The following NXN variants were observed in gnomAD, a reference collection of about 807,000 sequenced individuals.
NXN encodes the protein nucleoredoxin, also known as nucleoredoxin 1.
Under a neutral mutation model 48.6 loss-of-function variants are expected in NXN, and 16 were observed. That is an observed-to-expected ratio of 0.33 (90% CI 0.22 to 0.50). NXN has a LOEUF of 0.50. Among genes scored for constraint, NXN ranks in the 20% least tolerant of loss-of-function variants. The pLI, the probability that NXN is intolerant of heterozygous loss-of-function variation, is 0.98. For synonymous variants in NXN, 281 were observed against 269.6 expected (o/e 1.04, Z -0.41); for missense variants, 492 against 605.5 (o/e 0.81, Z 1.97).
intron 1 of NXN, among the ~76,000 whole-genome samples, chr17:963,848 A>C (rs576334347): frequency 1.2e-4 from 18 of 150,808 alleles, no homozygotes; most frequent in Admixed American, 2.0e-4. Context: ...GAGGCCGAGG[A>C]GGGCAGATCA....
rs754022022 is a variant in NXN at position 979,397 on chromosome 17, G to C, written c.282C>G (p.Asp94Glu). Residue 94 changes from aspartate (D) to glutamate (E), a missense_variant, in exon 1 of 8, where the codon GAC becomes GAG. Physicochemically the swap from Asp to Glu is conservative, Grantham distance 45 (BLOSUM62 2). This residue lies in a region of NXN where 186 missense variants were observed against 199.1 expected (regional missense o/e 0.93). Transcript: ENST00000336868. ...AGTCCTGCCACTGCCGCTGGTCCTG[G>C]TCCGAGGACACGAAGACGATCTCCA... ...RRLEIVFVSS[D>E]QDQRQWQDFV... 6.8e-7 allele frequency: 1 copy of C among 1,477,372 alleles called. No individual in the cohort carries two copies. The highest frequency in any genetic ancestry group is 1.2e-5 in the South Asian group (1 of 80,898). The allele number at this position is 1,477,372 out of a possible 1,614,324, so 91.5% of individuals were successfully genotyped here. A position where few individuals can be genotyped will look rare whatever the true frequency, so the allele number is the denominator to read the frequency against.
At chr17:863,702 A>G (rs908266897) in intron 1 of NXN, among the ~76,000 whole-genome samples, 13 of 152,044 alleles carry the variant, frequency 8.6e-5, no homozygotes, top group Admixed American at 2.6e-4. Flanking sequence ...GGCTGATGCA[A>G]TCCTCCTGCC....
At chr17:884,599 G>C (rs925979316) in intron 1 of NXN, among the ~76,000 whole-genome samples, 1 of 152,124 alleles carries the variant, frequency 6.6e-6, no homozygotes, top group Non-Finnish European at 1.5e-5. Context: ...GTTGGGCTGG[G>C]GACAGGCTGG....
chr17:828,897 T>C (rs1913289909), intron 1 of NXN, among the ~76,000 whole-genome samples: 2 of 116,876 alleles, frequency 1.7e-5, no homozygotes, highest in South Asian at 2.7e-4. Context: ...ATTTTTCTGG[T>C]TTAAAAAGGA....
chr17:946,418 A>T (rs12936900), intron 1 of NXN, among the ~76,000 whole-genome samples: 3 of 151,976 alleles, frequency 2.0e-5, no homozygotes, highest in Admixed American at 6.6e-5. Context: ...CCGCCCGCCT[A>T]GGCCTCCCAA....
At chr17:873,189 G>A (rs1341037620) in intron 1 of NXN, among the ~76,000 whole-genome samples, 1 of 152,052 alleles carries the variant, frequency 6.6e-6, no homozygotes, top group African/African-American at 2.4e-5. Context: ...AACCATGTGT[G>A]CCAATCCTTT....
Position 805,119 on chromosome 17 carries a change from C to A in NXN, c.949G>T (p.Asp317Tyr), listed in dbSNP as rs372591037. 78 of 1,609,978 alleles carry A rather than the reference C, an allele frequency of 4.8e-5. No homozygotes were observed. Among genetic ancestry groups the A allele is most frequent in the Non-Finnish European group, 9.3e-6 (11 of 1,178,808 alleles). Residue 317 changes from aspartate to tyrosine, a missense_variant, in exon 6 of 8, where the codon GAC becomes TAC. Physicochemically the swap from Asp to Tyr is radical, Grantham distance 160. Around this residue, in one of 3 missense-constraint regions of NXN, gnomAD observed 303 missense variants for 388.3 expected, o/e 0.78. Transcript: ENST00000336868. ...WHPKPVLELS[D>Y]SNAAQLNEGP... ...TCGTTAAGCTGCGCGGCGTTGGAGT[C>A]GGAGAGCTCCAGCACGGGCTTGGGG...
chr17:805,343 G>T, intron 5 of NXN, 96 bp from the exon 6 acceptor site: 2 of 1,324,518 alleles, frequency 1.5e-6, no homozygotes, highest in Non-Finnish European at 1.0e-6. Context: ...CCCCCCGACC[G>T]TGGTGGAGCC....
chr17:976,141 C>T (rs2069454838), intron 1 of NXN, among the ~76,000 whole-genome samples: 1 of 151,396 alleles, frequency 6.6e-6, no homozygotes. Context: ...TGACAACAGG[C>T]AGAAACAGGA....
At chr17:888,297 CA>C (rs2068371149) in intron 1 of NXN, among the ~76,000 whole-genome samples, 2 of 152,196 alleles carry the variant, frequency 1.3e-5, no homozygotes, top group South Asian at 4.1e-4. Flanking sequence ...CAGCTCACTG[CA>C]ACCTCGACCT....
At chr17:927,041 C>T (rs980107733) in intron 1 of NXN, among the ~76,000 whole-genome samples, 7 of 151,938 alleles carry the variant, frequency 4.6e-5, no homozygotes, top group African/African-American at 1.4e-4. Flanking sequence ...AGGCCAGGTG[C>T]GGTGGCTCAC....
intron 1 of NXN, among the ~76,000 whole-genome samples, chr17:954,435 C>A (rs112757237): frequency 3.3e-5 from 5 of 152,328 alleles, no homozygotes; most frequent in African/African-American, 1.2e-4. Context: ...AATTCTCTCT[C>A]GAGTCAAGTG....
rs114905775 is a variant in NXN at position 858,912 on chromosome 17, T to G, written c.361-32834A>C. On this transcript the variant is annotated intron_variant, in intron 1 of 7. Coordinates refer to ENST00000336868, the MANE Select transcript of NXN (RefSeq NM_022463.5). ...GATTGCCCTCAGGCTTCTCTTTCTATCCCATAGCCAGCCAAGAGCAGGCAG... is the reference window on the plus strand; with the variant it reads ...GATTGCCCTCAGGCTTCTCTTTCTAGCCCATAGCCAGCCAAGAGCAGGCAG... 4.2e-3 allele frequency among the ~76,000 whole-genome samples: 639 copies of G among 152,266 alleles called. 3 individuals are homozygous for G. Among genetic ancestry groups the G allele is most frequent in the African/African-American group, 0.014 (592 of 41,560 alleles).
chr17:960,666 C>G (rs1331817957), intron 1 of NXN, among the ~76,000 whole-genome samples: 1 of 152,034 alleles, frequency 6.6e-6, no homozygotes, highest in African/African-American at 2.4e-5. Context: ...TTAGCAGAAA[C>G]AAGGTCTTGC....
chr17:812,130 T>C (rs1912078597), intron 5 of NXN, among the ~76,000 whole-genome samples: 1 of 150,584 alleles, frequency 6.6e-6, no homozygotes, highest in African/African-American at 2.5e-5. Context: ...GGTTTCACCG[T>C]GTTAGCCAGG....
chr17:873,478 C>T (rs1170694397), intron 1 of NXN, among the ~76,000 whole-genome samples: 1 of 126,080 alleles, frequency 7.9e-6, no homozygotes. Context: ...ACCTGGGAGA[C>T]AGAGACACTG....
In NXN at chr17:898,794, T is replaced by C. The variant is rs937893788; in HGVS notation, c.361-72716A>G. Among the ~76,000 whole-genome samples the C allele has an allele frequency of 2.3e-4, 16 of 69,844 alleles. 5 individuals carry two copies. The highest frequency in any genetic ancestry group is 5.2e-4 in the African/African-American group (16 of 30,580). 45.8% of individuals were successfully genotyped at this position (69,844 alleles called of 152,430 possible). ...TGAAACTGGGAGGTCGAGGCTGCAGTGAGCCATGAGGGCACCACTGCACTC... is the reference window on the plus strand; with the variant it reads ...TGAAACTGGGAGGTCGAGGCTGCAGCGAGCCATGAGGGCACCACTGCACTC... On this transcript the variant is annotated intron_variant, in intron 1 of 7. Coordinates refer to ENST00000336868, the MANE Select transcript of NXN (RefSeq NM_022463.5).
intron 1 of NXN, among the ~76,000 whole-genome samples, chr17:944,043 G>T (rs142631615): frequency 2.0e-5 from 3 of 151,920 alleles, no homozygotes; most frequent in Admixed American, 1.3e-4. Flanking sequence ...TTCGAGACCA[G>T]CCTGGCCAAC....
At chr17:972,446 C>T (rs931189730) in intron 1 of NXN, among the ~76,000 whole-genome samples, 4 of 151,946 alleles carry the variant, frequency 2.6e-5, no homozygotes, top group African/African-American at 9.7e-5. Context: ...CACTGCTCTC[C>T]AGCCTGGCAG....
Sources: allele counts gnomAD v4.1 joint callset (sites outside exome capture counted in the v4.1 genomes callset), GRCh38; gene constraint gnomAD v4.1.1; regional missense constraint gnomAD v4.1.1; transcripts MANE v1.5; gene names NCBI Gene and HGNC (gene_info 2026-07-23, HGNC 2026-07-21).